The following CTNNA3 variants were observed in gnomAD, a reference collection of about 807,000 sequenced individuals.
The protein encoded by CTNNA3 is catenin alpha 3, also known as catenin alpha-3.
In CTNNA3, 76 loss-of-function variants were observed where a neutral mutation model predicts 95.7. The observed-to-expected ratio is 0.79, with a 90% confidence interval of 0.66 to 0.96. The LOEUF is 0.96. Among genes scored for constraint, CTNNA3 ranks in the 40% least tolerant of loss-of-function variants. The pLI, the probability that CTNNA3 is intolerant of heterozygous loss-of-function variation, is 0.00. For missense variants in CTNNA3, 1,191 were observed against 1,089.8 expected, an observed-to-expected ratio of 1.09 and a Z score of -1.31; for synonymous variants, 431 against 374.4, an observed-to-expected ratio of 1.15 and a Z score of -1.74.
chr10:66,838,690 T>C (rs1157399082), intron 7 of CTNNA3, among the ~76,000 whole-genome samples: 1 of 152,174 alleles, frequency 6.6e-6, no homozygotes, highest in Non-Finnish European at 1.5e-5. Flanking sequence ...TGAGCTGCTG[T>C]GTTTTACACT....
At chr10:67,640,586 A>G (rs1413455941) in intron 2 of CTNNA3, among the ~76,000 whole-genome samples, 6 of 152,174 alleles carry the variant, frequency 3.9e-5, no homozygotes, top group African/African-American at 9.6e-5. Flanking sequence ...GAGGCATCAC[A>G]CTACCTGACT....
At chr10:67,144,402 T>C (rs182003819) in intron 7 of CTNNA3, among the ~76,000 whole-genome samples, 2 of 152,324 alleles carry the variant, frequency 1.3e-5, no homozygotes, top group East Asian at 1.9e-4. Context: ...TTGATAGGCA[T>C]TGACTTCTCC....
chr10:67,572,206 A>T (rs193195565), intron 3 of CTNNA3, among the ~76,000 whole-genome samples: 1 of 151,954 alleles, frequency 6.6e-6, no homozygotes, highest in Non-Finnish European at 1.5e-5. Flanking sequence ...ATTTACTTAA[A>T]TTTTTTTTGT....
intron 13 of CTNNA3, among the ~76,000 whole-genome samples, chr10:66,104,833 T>C (rs182537473): frequency 8.9e-4 from 135 of 152,354 alleles, no homozygotes; most frequent in African/African-American, 3.1e-3. Flanking sequence ...TAAACGTTGC[T>C]TTACACACAG....
intron 11 of CTNNA3, among the ~76,000 whole-genome samples, chr10:66,437,158 T>C (rs763596720): frequency 2.6e-5 from 4 of 152,054 alleles, no homozygotes; most frequent in Non-Finnish European, 4.4e-5. Context: ...ATCTGACAAT[T>C]ATGTGTCTTG....
chr10:67,178,217 C>T (rs558626317), intron 7 of CTNNA3, among the ~76,000 whole-genome samples: 69 of 152,218 alleles, frequency 4.5e-4, no homozygotes, highest in African/African-American at 1.6e-3. Context: ...TTTGGTGGGG[C>T]CACAGATGCC....
intron 2 of CTNNA3, among the ~76,000 whole-genome samples, chr10:67,631,842 A>G (rs1462130185): frequency 6.6e-6 from 1 of 152,178 alleles, no homozygotes; most frequent in East Asian, 1.9e-4. Context: ...CCTGGAGGAC[A>G]TTATGCTAAA....
chr10:66,756,772 G>A (rs985328279), intron 9 of CTNNA3, among the ~76,000 whole-genome samples: 1 of 152,062 alleles, frequency 6.6e-6, no homozygotes, highest in African/African-American at 2.4e-5. Context: ...TTCCCTTCCT[G>A]TATTTTACTA....
intron 11 of CTNNA3, among the ~76,000 whole-genome samples, chr10:66,481,990 T>C (rs1270833240): frequency 6.6e-6 from 1 of 152,024 alleles, no homozygotes; most frequent in African/African-American, 2.4e-5. Context: ...AAAATAAATA[T>C]CAATAGGGAT....
Position 67,209,850 on chromosome 10 carries a change from T to C in CTNNA3, c.843+9757A>G, listed in dbSNP as rs367983086. Among the ~76,000 whole-genome samples the C allele has an allele frequency of 1.8e-4, 27 of 150,912 alleles. No homozygotes were observed. The South Asian group carries it at 3.7e-3, about 21-fold the overall frequency. Reference sequence around the variant, plus strand: ...AGATAAAAGTACTGCTTATTAAACATAGGTGTTCAGAGGAAAACTGACACC... The same window carrying C: ...AGATAAAAGTACTGCTTATTAAACACAGGTGTTCAGAGGAAAACTGACACC... On this transcript the variant is annotated intron_variant, in intron 6 of 17. Transcript: ENST00000433211.
chr10:67,280,110 C>T (rs951488957), intron 5 of CTNNA3, among the ~76,000 whole-genome samples: 2 of 150,222 alleles, frequency 1.3e-5, no homozygotes, highest in African/African-American at 4.9e-5. Context: ...ATCAAAAGGC[C>T]TCATAAGCAG....
At chr10:67,196,380 T>C (rs1589850054) in intron 6 of CTNNA3, among the ~76,000 whole-genome samples, 1 of 151,884 alleles carries the variant, frequency 6.6e-6, no homozygotes, top group African/African-American at 2.4e-5. Flanking sequence ...AGTCAAAGAG[T>C]ACATAACTTG....
intron 12 of CTNNA3, among the ~76,000 whole-genome samples, chr10:66,309,884 C>T (rs1467028613): frequency 6.8e-6 from 1 of 147,712 alleles, no homozygotes; most frequent in Non-Finnish European, 1.5e-5. Context: ...ATGGTGAAAC[C>T]CCGTCTCTAC....
intron 7 of CTNNA3, among the ~76,000 whole-genome samples, chr10:66,833,197 C>A (rs1842781549): frequency 6.6e-6 from 1 of 152,118 alleles, no homozygotes; most frequent in Admixed American, 6.6e-5. Flanking sequence ...AAGAGCATGA[C>A]TTGTGTGTCT....
At chr10:67,548,778 T>C (rs949452055) in intron 3 of CTNNA3, among the ~76,000 whole-genome samples, 1 of 151,850 alleles carries the variant, frequency 6.6e-6, no homozygotes, top group African/African-American at 2.4e-5. Context: ...ACTTAAACCT[T>C]TTGGACTCCA....
intron 13 of CTNNA3, among the ~76,000 whole-genome samples, chr10:66,254,279 T>C (rs1313652045): frequency 6.6e-6 from 1 of 152,176 alleles, no homozygotes; most frequent in East Asian, 1.9e-4. Context: ...AGCATGCATC[T>C]GGTACCAAGC....
chr10:67,055,719 A>T (rs1418478556), intron 7 of CTNNA3, among the ~76,000 whole-genome samples: 2 of 152,112 alleles, frequency 1.3e-5, no homozygotes, highest in Non-Finnish European at 2.9e-5. Flanking sequence ...AAGGCTTGGG[A>T]ATTTCAGACC....
chr10:66,839,811 A>G (rs1473602276), intron 7 of CTNNA3, among the ~76,000 whole-genome samples: 2 of 152,158 alleles, frequency 1.3e-5, no homozygotes, highest in Non-Finnish European at 2.9e-5. Context: ...ATATAAATAA[A>G]CACAAGATCA....
At chr10:67,331,294 A>C (rs1319505729) in intron 5 of CTNNA3, among the ~76,000 whole-genome samples, 1 of 152,182 alleles carries the variant, frequency 6.6e-6, no homozygotes, top group Non-Finnish European at 1.5e-5. Flanking sequence ...CCAAAGTCCA[A>C]GCTTGAGACA....
Sources: gnomAD v4.1 joint callset for allele counts (sites outside exome capture counted in the v4.1 genomes callset) on GRCh38, gnomAD v4.1.1 for gene constraint, MANE v1.5 for transcripts, NCBI Gene and HGNC (gene_info 2026-07-23, HGNC 2026-07-21) for gene names.